Variants in RGS3 observed in about 807,000 individuals in gnomAD.
The protein encoded by RGS3 is regulator of G protein signaling 3.
RGS3 carries 80 observed loss-of-function variants against 132.6 expected under a neutral mutation model. That is an observed-to-expected ratio of 0.60 (90% CI 0.50 to 0.73). The LOEUF (loss-of-function observed/expected upper bound fraction) is 0.73, where lower values mean the gene tolerates loss of function less well. Ranked by LOEUF, RGS3 falls within the 30% of genes least tolerant of loss-of-function variation. The probability of loss-of-function intolerance (pLI) is 0.00; values close to 1 mark genes in which losing one functional copy is unlikely to be tolerated. For synonymous variants in RGS3, 598 were observed against 620.6 expected, an observed-to-expected ratio of 0.96 and a Z score of 0.54; for missense variants, 1,382 against 1,530.8, an observed-to-expected ratio of 0.90 and a Z score of 1.62.
chr9:113,463,676 C>A lies in RGS3; in HGVS notation c.415+1475C>A, dbSNP rs1212127224. 12 of 1,405,020 alleles carry A rather than the reference C, an allele frequency of 8.5e-6. No homozygotes were observed. The highest frequency in any genetic ancestry group is 1.0e-5 in the Non-Finnish European group (11 of 1,083,402). The allele number at this position is 1,405,020 out of a possible 1,614,324, so 87.0% of individuals were successfully genotyped here. Reference sequence around the variant, plus strand: ...CAATCAGGGCCGGGCGCGCCCTGGCCGTTCCAACGCTTGGGGCAGCCCTAC... The same window carrying A: ...CAATCAGGGCCGGGCGCGCCCTGGCAGTTCCAACGCTTGGGGCAGCCCTAC... On this transcript the variant is annotated intron_variant, in intron 3 of 24. Coordinates refer to ENST00000350696, the Ensembl canonical transcript of RGS3. This position sits in a 1 kb window ranked among gnomAD's most constrained non-coding sequence, Gnocchi z 4.6.
chr9:113,531,871 A>C (rs779240072), intron 18 of RGS3, among the ~76,000 whole-genome samples: 8 of 152,244 alleles, frequency 5.3e-5, no homozygotes, highest in Non-Finnish European at 1.2e-4. Flanking sequence ...TAAATGACAG[A>C]ATTTTTATCA....
chr9:113,576,883 A>T (rs777832676), intron 19 of RGS3, among the ~76,000 whole-genome samples: 2 of 152,242 alleles, frequency 1.3e-5, no homozygotes, highest in Non-Finnish European at 2.9e-5. Context: ...GCCCCACATC[A>T]TCCTGGTGGG....
chr9:113,584,577 A>G (rs1835028284), intron 20 of RGS3, 150 bp downstream of exon 18: 2 of 859,834 alleles, frequency 2.3e-6, no homozygotes, highest in Admixed American at 6.6e-5. Context: ...AGAAGATAAA[A>G]CTGAGGCCCA....
intron 18 of RGS3, among the ~76,000 whole-genome samples, chr9:113,530,698 C>T (rs1489506549): frequency 6.6e-6 from 1 of 152,222 alleles, no homozygotes; most frequent in East Asian, 1.9e-4. Context: ...GGATCTGTGA[C>T]GTGCTGGCTT....
intron 7 of RGS3, among the ~76,000 whole-genome samples, chr9:113,491,043 A>G (rs1422474811): frequency 7.5e-6 from 1 of 132,654 alleles, no homozygotes; most frequent in Non-Finnish European, 1.5e-5. Flanking sequence ...ATATATAATT[A>G]TATATAACTT....
chr9:113,477,973 G>C (rs1395747204), intron 3 of RGS3, among the ~76,000 whole-genome samples: 1 of 152,224 alleles, frequency 6.6e-6, no homozygotes, highest in East Asian at 1.9e-4. Flanking sequence ...CTACTGGACT[G>C]AGAGAAACAT....
At chr9:113,556,203 T>G (rs759012594) in intron 19 of RGS3, among the ~76,000 whole-genome samples, 3 of 152,214 alleles carry the variant, frequency 2.0e-5, no homozygotes, top group Non-Finnish European at 2.9e-5. Flanking sequence ...CTTTCCAATC[T>G]TTGGAATTCA....
At chr9:113,587,138 A>C (rs1564614648) in intron 20 of RGS3, among the ~76,000 whole-genome samples, 1 of 150,668 alleles carries the variant, frequency 6.6e-6, no homozygotes, top group Non-Finnish European at 1.5e-5. Context: ...ACACAGCAGC[A>C]AGTGATGATG....
At chr9:113,465,153 G>A (rs1182931798) in intron 3 of RGS3, among the ~76,000 whole-genome samples, 2 of 152,232 alleles carry the variant, frequency 1.3e-5, no homozygotes, top group African/African-American at 4.8e-5. Context: ...GGGATGCAGG[G>A]CTCTGTGAGA....
chr9:113,517,965 A>G (rs1021741771), intron 16 of RGS3, among the ~76,000 whole-genome samples: 2 of 152,170 alleles, frequency 1.3e-5, no homozygotes, highest in Non-Finnish European at 2.9e-5. Flanking sequence ...GAGTAAAGCT[A>G]TTAGCCAAAG....
intron 19 of RGS3, among the ~76,000 whole-genome samples, chr9:113,558,988 T>C (rs1588248217): frequency 6.6e-6 from 1 of 152,152 alleles, no homozygotes; most frequent in Middle Eastern, 3.2e-3. Context: ...TTGGAGGTGG[T>C]GGGGGGGATT....
chr9:113,494,601 C>T (rs1312001794), intron 7 of RGS3, among the ~76,000 whole-genome samples: 1 of 152,208 alleles, frequency 6.6e-6, no homozygotes, highest in East Asian at 1.9e-4. Flanking sequence ...ATCCTCCTAC[C>T]TCAGCCTCCT....
At chr9:113,536,833 A>G (rs1832699503) in exon 19 of RGS3, 4 of 1,614,176 alleles carry the variant, frequency 2.5e-6, no homozygotes, top group Non-Finnish European at 3.4e-6. Flanking sequence ...GCGCACTCGC[A>G]GGAGCAGAAG....
At position 113,463,966 on chromosome 9, in the gene RGS3, A is replaced by G. The variant is rs1308279705; in HGVS notation, c.415+1765A>G. On this transcript the variant is annotated intron_variant, in intron 3 of 24. Transcript: ENST00000350696. The surrounding 1 kb of genome is among the most constrained non-coding windows in gnomAD (Gnocchi z 4.6). ...ACGCAGCCCCTCGTGGTGACAGGGG[A>G]GGCTGGGAGCAGGTGCTCTTTCTAT... 1.4e-6 allele frequency: 2 copies of G among 1,438,354 alleles called. No individual in the cohort carries two copies. The highest frequency in any genetic ancestry group is 4.7e-5 in the East Asian group (2 of 42,548). The allele number at this position is 1,438,354 out of a possible 1,614,324, so 89.1% of individuals were successfully genotyped here.
At chr9:113,554,341 C>T (rs143954669) in intron 19 of RGS3, among the ~76,000 whole-genome samples, 1 of 152,210 alleles carries the variant, frequency 6.6e-6, no homozygotes, top group East Asian at 1.9e-4. Context: ...GAGTCTTGCT[C>T]TGTCACAAGG....
At chr9:113,462,696 T>C (rs1174365560) in intron 3 of RGS3, among the ~76,000 whole-genome samples, 1 of 152,226 alleles carries the variant, frequency 6.6e-6, no homozygotes, top group East Asian at 1.9e-4. Flanking sequence ...TGAGATGATG[T>C]GTGTAAATTG....
chr9:113,506,001 T>A lies in RGS3; in HGVS notation c.980-387T>A, dbSNP rs1460203627. 6.6e-6 allele frequency among the ~76,000 whole-genome samples: 1 copy of A among 151,944 alleles called. No homozygotes were observed. The highest frequency in any genetic ancestry group is 6.6e-5 in the Admixed American group (1 of 15,266). On this transcript the variant is annotated intron_variant, in intron 11 of 24. Transcript: ENST00000350696. This position sits in a 1 kb window ranked among gnomAD's most constrained non-coding sequence, Gnocchi z 4.7. ...GGTGTTTCCAGTGCCTACACAAGGG[T>A]GGGCATGAGGTTCGTGCACAATGAT... is the stretch of plus-strand genomic sequence containing the variant.
At position 113,463,731 on chromosome 9, in the gene RGS3, A is replaced by G; in HGVS notation, c.415+1530A>G. On this transcript the variant is annotated intron_variant, in intron 3 of 24. Transcript: ENST00000350696. This position sits in a 1 kb window ranked among gnomAD's most constrained non-coding sequence, Gnocchi z 4.6. ...CGCTCGCGCTCCTCCCGCCCTGGAGACTCCGGTTACTGGGGAGCAACACAG... is the reference window on the plus strand; with the variant it reads ...CGCTCGCGCTCCTCCCGCCCTGGAGGCTCCGGTTACTGGGGAGCAACACAG... 1.3e-6 allele frequency: 2 copies of G among 1,512,618 alleles called. No homozygotes were observed. Among genetic ancestry groups the G allele is most frequent in the Non-Finnish European group, 8.8e-7 (1 of 1,131,150 alleles). 93.7% of individuals were successfully genotyped at this position (1,512,618 alleles called of 1,614,324 possible). A position where few individuals can be genotyped will look rare whatever the true frequency, so the allele number is the denominator to read the frequency against.
At chr9:113,521,202 T>C (rs575274710) in intron 16 of RGS3, among the ~76,000 whole-genome samples, 1 of 152,320 alleles carries the variant, frequency 6.6e-6, no homozygotes, top group African/African-American at 2.4e-5. Context: ...GTCCTCATGT[T>C]TGGGCCCCAT....
Sources: allele counts gnomAD v4.1 joint callset (sites outside exome capture counted in the v4.1 genomes callset), GRCh38; gene constraint gnomAD v4.1.1; non-coding constraint Gnocchi (gnomAD v3.1); transcripts MANE v1.5; gene names NCBI Gene and HGNC (gene_info 2026-07-23, HGNC 2026-07-21).